Variants in TRIM37 observed in about 807,000 individuals in gnomAD.
TRIM37 encodes tripartite motif containing 37, also known as E3 ubiquitin-protein ligase TRIM37.
Under a neutral mutation model 129.8 loss-of-function variants are expected in TRIM37, and 80 were observed. That is an observed-to-expected ratio of 0.62 (90% CI 0.51 to 0.74). TRIM37 has a LOEUF of 0.74. TRIM37 is among the 30% of genes least tolerant of loss of function. TRIM37 has a pLI of 0.00. For missense variants in TRIM37, 1,054 were observed against 1,176.5 expected (o/e 0.90, Z 1.52); for synonymous variants, 389 against 387.1 (o/e 1.00, Z -0.06).
chr17:59,053,897 T>A (rs2040585730), intron 13 of TRIM37, among the ~76,000 whole-genome samples: 1 of 151,952 alleles, frequency 6.6e-6, no homozygotes, highest in Admixed American at 6.6e-5. Context: ...CCGAGAATTC[T>A]AGACTAGACT....
intron 8 of TRIM37, among the ~76,000 whole-genome samples, chr17:59,073,811 G>A (rs939303209): frequency 1.3e-4 from 20 of 152,134 alleles, no homozygotes; most frequent in African/African-American, 4.8e-4. Context: ...ACATGGTCAG[G>A]ATCATCAATA....
In TRIM37 at chr17:59,106,190, T is replaced by C. The variant is rs775149204; in HGVS notation, c.21+251A>G. On this transcript the variant is annotated intron_variant, in intron 1 of 23. Coordinates refer to ENST00000262294, the MANE Select transcript of TRIM37 (RefSeq NM_015294.6). ...GCTGTTTGCAAACACCCGGTGGGGATGAGTACCTGTGCCAAGACATCCTTG... is the reference window on the plus strand; with the variant it reads ...GCTGTTTGCAAACACCCGGTGGGGACGAGTACCTGTGCCAAGACATCCTTG... Among the ~76,000 whole-genome samples the C allele has an allele frequency of 2.5e-4, 38 of 152,206 alleles. 1 individual carries two copies. The highest frequency in any genetic ancestry group is 5.1e-4 in the Non-Finnish European group (35 of 68,044).
rs899642188 is a variant in TRIM37 at position 59,092,622 on chromosome 17, T to TA, written c.124-1283dup. ...TTTTCAGGAAACAACAGGTTTATAA[T>TA]AAAAAAAACTTTATGTTTTAATTGT... On this transcript the variant is annotated intron_variant, in intron 2 of 23. Coordinates refer to ENST00000262294, the MANE Select transcript of TRIM37 (RefSeq NM_015294.6). 7.4e-4 allele frequency among the ~76,000 whole-genome samples: 113 copies of TA among 152,056 alleles called. 1 individual carries two copies. Among genetic ancestry groups the TA allele is most frequent in the African/African-American group, 2.7e-3 (110 of 41,508 alleles).
chr17:58,967,519 T>TA, the TRIM37 span, among the ~76,000 whole-genome samples: 1 of 145,176 alleles, frequency 6.9e-6, no homozygotes, highest in South Asian at 2.2e-4. Flanking sequence ...TATATATATA[T>TA]AGAGAGAGAG....
intron 12 of TRIM37, among the ~76,000 whole-genome samples, chr17:59,060,514 C>T (rs1356024586): frequency 6.6e-6 from 1 of 151,982 alleles, no homozygotes; most frequent in Non-Finnish European, 1.5e-5. Flanking sequence ...ACCACTTGTT[C>T]AGTTTGGATG....
intron 12 of TRIM37, among the ~76,000 whole-genome samples, chr17:59,059,739 G>C (rs1773015935): frequency 6.6e-6 from 1 of 152,196 alleles, no homozygotes. Context: ...ATGCAGTTAA[G>C]TTACTTGAAA....
chr17:59,080,335 A>C (rs999548914), intron 6 of TRIM37, among the ~76,000 whole-genome samples: 5 of 152,230 alleles, frequency 3.3e-5, no homozygotes, highest in Non-Finnish European at 7.3e-5. Flanking sequence ...AACAATATCT[A>C]AACAGTAATG....
Position 58,989,195 on chromosome 17 carries a change from A to G in TRIM37, c.2892-6274T>C, listed in dbSNP as rs1014327245. ...AGAATTTTAAATAATTATTGTTTTGAGAGGCCAAGGTGGGAGGATTGCCTG... is the reference window on the plus strand; with the variant it reads ...AGAATTTTAAATAATTATTGTTTTGGGAGGCCAAGGTGGGAGGATTGCCTG... On this transcript the variant is annotated intron_variant, in intron 24 of 24. Coordinates refer to the TRIM37 transcript ENST00000393066. Among the ~76,000 whole-genome samples the G allele has an allele frequency of 3.9e-5, 6 of 152,096 alleles. No homozygotes were observed. The East Asian group carries it at 9.7e-4, about 24-fold the overall frequency.
At position 58,998,332 on chromosome 17, in the gene TRIM37, T is replaced by C; in HGVS notation, c.*1045A>G. 1 of 985,430 alleles carries C rather than the reference T, an allele frequency of 1.0e-6. No homozygotes were observed. Among genetic ancestry groups the C allele is most frequent in the South Asian group, 4.7e-5 (1 of 21,292 alleles). 61.0% of individuals were successfully genotyped at this position (985,430 alleles called of 1,614,324 possible). A position where few individuals can be genotyped will look rare whatever the true frequency, so the allele number is the denominator to read the frequency against. Reference sequence around the variant, plus strand: ...TATTCACTAAGTAAAATACAGCAGATGAGATGTCTCTCACATGTATATTTA... The same window carrying C: ...TATTCACTAAGTAAAATACAGCAGACGAGATGTCTCTCACATGTATATTTA... On this transcript the variant is annotated 3_prime_UTR_variant, in exon 24 of 24. Transcript: ENST00000262294.
In TRIM37 at chr17:59,049,394, CTT is replaced by C; in HGVS notation, c.1315-3_1315-2del. The C allele has an allele frequency of 6.2e-7, 1 of 1,613,504 alleles. No individual in the cohort carries two copies. Among genetic ancestry groups the C allele is most frequent in the Non-Finnish European group, 8.5e-7 (1 of 1,179,804 alleles). On this transcript the variant is annotated splice_acceptor_variant and splice_polypyrimidine_tract_variant and intron_variant, in intron 14 of 23. Transcript: ENST00000262294. LOFTEE classifies it high-confidence loss of function. ...TTCGAGACAGCTCAATAGTAAGTCTCTTTTAAAACAAGAAAAGCACAAATATT... is the reference window on the plus strand; with the variant it reads ...TTCGAGACAGCTCAATAGTAAGTCTCTTAAAACAAGAAAAGCACAAATATT...
chr17:59,035,268 C>T (rs942503130), intron 17 of TRIM37, among the ~76,000 whole-genome samples: 1 of 151,732 alleles, frequency 6.6e-6, no homozygotes, highest in African/African-American at 2.4e-5. Flanking sequence ...GCCATGTTGG[C>T]CAGGCTGGTC....
chr17:59,104,327 T>C lies in TRIM37; in HGVS notation c.89A>G (p.His30Arg). The change falls in exon 2 of 24, where the codon CAT becomes CGT. Residue 30 changes from histidine to arginine, a missense_variant. By Grantham distance (29) the His-to-Arg change is conservative. Around this residue, in one of 3 missense-constraint regions of TRIM37, gnomAD observed 752 missense variants for 870.8 expected, o/e 0.86. Transcript: ENST00000262294. The part of the protein sequence containing the change: ...EKLRDARLCP[H>R]CSKLCCFSCI... Reference sequence around the variant, plus strand: ...GCTGAAACAACACAGTTTGGAGCAATGAGGACACAGGCGTGCATCCCGCAA... The same window carrying C: ...GCTGAAACAACACAGTTTGGAGCAACGAGGACACAGGCGTGCATCCCGCAA... 2.5e-6 allele frequency: 4 copies of C among 1,614,166 alleles called. No individual in the cohort carries two copies. The highest frequency in any genetic ancestry group is 1.1e-5 in the South Asian group (1 of 91,086).
At chr17:59,029,885 C>A (rs1418082099) in intron 18 of TRIM37, among the ~76,000 whole-genome samples, 1 of 152,202 alleles carries the variant, frequency 6.6e-6, no homozygotes, top group East Asian at 1.9e-4. Context: ...TTATTAACAT[C>A]CCTTCACTGA....
At chr17:59,095,571 C>T (rs949536290) in intron 2 of TRIM37, among the ~76,000 whole-genome samples, 3 of 152,132 alleles carry the variant, frequency 2.0e-5, no homozygotes, top group African/African-American at 4.8e-5. Context: ...GACTTTTATT[C>T]CCAAACAGCT....
At chr17:58,996,609 C>A (rs184874244), downstream of TRIM37, among the ~76,000 whole-genome samples, 111 of 151,738 alleles carry the variant, frequency 7.3e-4, no homozygotes, top group Non-Finnish European at 1.4e-3. Flanking sequence ...AGTGAAACCC[C>A]ATCTCCACAA....
At chr17:59,088,715 G>T (rs1189509198) in intron 3 of TRIM37, among the ~76,000 whole-genome samples, 1 of 151,622 alleles carries the variant, frequency 6.6e-6, no homozygotes, top group African/African-American at 2.4e-5. Context: ...CGGGAATCTT[G>T]CTATATTTCC....
Position 59,071,059 on chromosome 17 carries a change from ATAACTC to A in TRIM37, c.685-118_685-113del, listed in dbSNP as rs1342673734. 49 of 1,266,052 alleles carry A rather than the reference ATAACTC, an allele frequency of 3.9e-5. No individual in the cohort carries two copies. In the African/African-American group the frequency reaches 7.1e-4, roughly 18 times the overall value. The allele number at this position is 1,266,052 out of a possible 1,614,324, so 78.4% of individuals were successfully genotyped here. The stretch of plus-strand genomic sequence containing the variant: ...TTATAAACTGAAAAAAATGATAAAA[ATAACTC>A]AAAGTGAGCTTGAGAATTAAGAATG... On this transcript the variant is annotated intron_variant, in intron 8 of 23. Coordinates refer to ENST00000262294, the MANE Select transcript of TRIM37 (RefSeq NM_015294.6).
chr17:58,980,673 A>G, downstream of TRIM37: 2 of 1,614,142 alleles, frequency 1.2e-6, no homozygotes, highest in Non-Finnish European at 8.5e-7. This position sits in a 1 kb window ranked among gnomAD's most constrained non-coding sequence, Gnocchi z 4.7. Context: ...TCAACAGGGG[A>G]GCAGATATAC....
chr17:59,099,348 A>G (rs1165613943), intron 2 of TRIM37, among the ~76,000 whole-genome samples: 2 of 151,692 alleles, frequency 1.3e-5, no homozygotes, highest in Non-Finnish European at 2.9e-5. Flanking sequence ...TTTATACTGT[A>G]TTTTTAATAT....
Sources: gnomAD v4.1 joint callset for allele counts (sites outside exome capture counted in the v4.1 genomes callset) on GRCh38, gnomAD v4.1.1 for gene constraint, gnomAD v4.1.1 regional missense constraint, Gnocchi (gnomAD v3.1) non-coding constraint, MANE v1.5 for transcripts, NCBI Gene and HGNC (gene_info 2026-07-23, HGNC 2026-07-21) for gene names.